The following CHST15 variants were observed in gnomAD, a reference collection of about 807,000 sequenced individuals.
CHST15 encodes carbohydrate sulfotransferase 15.
In CHST15, 30 loss-of-function variants were observed where a neutral mutation model predicts 53.6. That is an observed-to-expected ratio of 0.56 (90% CI 0.42 to 0.76). The LOEUF is 0.76. Among genes scored for constraint, CHST15 ranks in the 30% least tolerant of loss-of-function variants. The probability of loss-of-function intolerance (pLI) is 0.00; values close to 1 mark genes in which losing one functional copy is unlikely to be tolerated. For missense variants in CHST15, 627 were observed against 740.5 expected (o/e 0.85, Z 1.78); for synonymous variants, 296 against 289.8 (o/e 1.02, Z -0.22).
intron 5 of CHST15, among the ~76,000 whole-genome samples, chr10:124,026,506 G>A (rs893596466): frequency 6.6e-5 from 10 of 152,164 alleles, no homozygotes; most frequent in Admixed American, 1.3e-4. Flanking sequence ...AAGATGAAAC[G>A]TACAGAAACA....
intron 5 of CHST15, among the ~76,000 whole-genome samples, chr10:124,027,739 G>T (rs1947067643): frequency 6.6e-6 from 1 of 152,146 alleles, no homozygotes; most frequent in Non-Finnish European, 1.5e-5. Context: ...CCATTTTACT[G>T]GGGGAGAAGG....
At chr10:124,073,859 C>T (rs1419518376) in intron 1 of CHST15, among the ~76,000 whole-genome samples, 10 of 152,158 alleles carry the variant, frequency 6.6e-5, no homozygotes, top group Admixed American at 5.9e-4. Context: ...GCCTCTCAGT[C>T]AGACGGCTAA....
intron 1 of CHST15, among the ~76,000 whole-genome samples, chr10:124,068,714 C>T (rs1483527823): frequency 6.6e-6 from 1 of 152,126 alleles, no homozygotes; most frequent in Admixed American, 6.6e-5. Flanking sequence ...CATCACTATG[C>T]TCTTATTAAA....
intron 1 of CHST15, among the ~76,000 whole-genome samples, chr10:124,055,713 CT>C (rs1346285540): frequency 6.6e-6 from 1 of 152,220 alleles, no homozygotes; most frequent in African/African-American, 2.4e-5. Flanking sequence ...GCTCACCCCC[CT>C]CCAAATGACC....
chr10:124,010,461 A>C (rs1184739982), intron 7 of CHST15, 122 bp from the exon 8 acceptor site: 1 of 1,407,170 alleles, frequency 7.1e-7, no homozygotes, highest in Admixed American at 3.2e-5. Context: ...GAACATATTT[A>C]GGGATTAAAA....
chr10:124,073,366 A>C (rs1239788883), intron 1 of CHST15, among the ~76,000 whole-genome samples: 1 of 152,132 alleles, frequency 6.6e-6, no homozygotes, highest in African/African-American at 2.4e-5. Context: ...CAGGCCAAAA[A>C]CCCAGGCCGC....
rs1947517556 is a variant in CHST15 at position 124,036,890 on chromosome 10, G to A, written c.1190+1625C>T. Among the ~76,000 whole-genome samples the A allele has an allele frequency of 6.6e-6, 1 of 152,320 alleles. No individual in the cohort carries two copies. Among genetic ancestry groups the A allele is most frequent in the Non-Finnish European group, 1.5e-5 (1 of 68,020 alleles). ...GGGTCCCAGGGGTCAGTTTCCCGGG[G>A]CTGCCAGGACAAATCACCACGAACT... On this transcript the variant is annotated intron_variant, in intron 5 of 7. Transcript: ENST00000435907. The surrounding 1 kb of genome is among the most constrained non-coding windows in gnomAD (Gnocchi z 5.1).
chr10:124,071,184 C>T (rs962319504), intron 1 of CHST15, among the ~76,000 whole-genome samples: 2 of 152,244 alleles, frequency 1.3e-5, no homozygotes, highest in Non-Finnish European at 2.9e-5. Flanking sequence ...TCAGCTCTCT[C>T]TTCCTAGCCC....
chr10:124,037,285 A>G (rs73367693), intron 5 of CHST15, among the ~76,000 whole-genome samples: 3,892 of 152,264 alleles, frequency 0.026, 162 homozygotes, highest in African/African-American at 0.088. Flanking sequence ...AATCCATAAG[A>G]AGATGTAGTT....
At chr10:124,034,030 C>T (rs1299779665) in intron 5 of CHST15, among the ~76,000 whole-genome samples, 1 of 152,222 alleles carries the variant, frequency 6.6e-6, no homozygotes, top group Non-Finnish European at 1.5e-5. Flanking sequence ...CCCTTCCCCT[C>T]AGCACCAGGA....
intron 6 of CHST15, among the ~76,000 whole-genome samples, chr10:124,016,809 A>G (rs185618566): frequency 6.6e-6 from 1 of 152,356 alleles, no homozygotes; most frequent in African/African-American, 2.4e-5. Context: ...GGCAGTAATG[A>G]ACAAAGGTTA....
chr10:124,025,444 T>C (rs1397424424), intron 5 of CHST15, among the ~76,000 whole-genome samples: 1 of 152,176 alleles, frequency 6.6e-6, no homozygotes, highest in African/African-American at 2.4e-5. Context: ...GTACTTTGGA[T>C]CTGCTCAGAG....
At chr10:124,034,721 C>T (rs1329162759) in intron 5 of CHST15, among the ~76,000 whole-genome samples, 13 of 132,002 alleles carry the variant, frequency 9.8e-5, no homozygotes, top group African/African-American at 1.2e-4. Flanking sequence ...ACCCCGGCTC[C>T]ACCCCCTAAC....
chr10:124,045,910 G>A lies in CHST15; in HGVS notation c.303C>T (p.Ala101=), dbSNP rs749946446. ...GTGATGAGATCAGAAGCTCTTGGTG[G>A]GCCCCAGAAAGGATGTAAGAAGCCA... ...LVMASYILSG[A]HQELLISSPF... The change falls in exon 2 of 8, where the codon GCC becomes GCT. Residue 101 remains alanine (A), a synonymous_variant. Transcript: ENST00000435907. 5.2e-5 allele frequency: 84 copies of A among 1,613,800 alleles called. No homozygotes were observed. Among genetic ancestry groups the A allele is most frequent in the Non-Finnish European group, 6.6e-5 (78 of 1,179,986 alleles).
At chr10:124,083,109 TAAA>T (rs1389715319) in intron 1 of CHST15, among the ~76,000 whole-genome samples, 1 of 152,252 alleles carries the variant, frequency 6.6e-6, no homozygotes. Flanking sequence ...GTAAAGCTGT[TAAA>T]GAAGAATAGA....
At chr10:124,059,765 GA>G (rs1948498974) in intron 1 of CHST15, among the ~76,000 whole-genome samples, 1 of 152,224 alleles carries the variant, frequency 6.6e-6, no homozygotes, top group African/African-American at 2.4e-5. Flanking sequence ...TGGCCTTGCT[GA>G]TCCGGGTAGT....
chr10:124,082,157 T>C (rs1273062138), intron 1 of CHST15, among the ~76,000 whole-genome samples: 2 of 152,142 alleles, frequency 1.3e-5, no homozygotes, highest in Admixed American at 6.6e-5. Context: ...ACTGAAAACC[T>C]TGACCCATAA....
chr10:124,084,413 G>T (rs1364994106), intron 1 of CHST15, among the ~76,000 whole-genome samples: 9 of 152,124 alleles, frequency 5.9e-5, no homozygotes, highest in Non-Finnish European at 1.3e-4. Flanking sequence ...CTTTGGGCCA[G>T]AAGGTGACCA....
At chr10:124,051,072 T>G (rs900661715) in intron 1 of CHST15, among the ~76,000 whole-genome samples, 4 of 151,988 alleles carry the variant, frequency 2.6e-5, no homozygotes, top group African/African-American at 7.3e-5. Flanking sequence ...GCCTCCCGAG[T>G]ACTGAGATTA....
Sources: gnomAD v4.1 joint callset for allele counts (sites outside exome capture counted in the v4.1 genomes callset) on GRCh38, gnomAD v4.1.1 for gene constraint, Gnocchi (gnomAD v3.1) non-coding constraint, MANE v1.5 for transcripts, NCBI Gene and HGNC (gene_info 2026-07-23, HGNC 2026-07-21) for gene names.